Variants in PFKFB2 observed in about 807,000 individuals in gnomAD.
PFKFB2 encodes the protein 6-phosphofructo-2-kinase/fructose-2,6-bisphosphatase 2.
A neutral mutation model predicts 68.0 loss-of-function variants in PFKFB2; 53 were observed. The observed-to-expected ratio is 0.78, with a 90% CI of 0.63 to 0.98. PFKFB2 has a LOEUF of 0.98. Among genes scored for constraint, PFKFB2 ranks in the 50% least tolerant of loss-of-function variants. The probability of loss-of-function intolerance (pLI) is 0.00; values close to 1 mark genes in which losing one functional copy is unlikely to be tolerated. For missense variants in PFKFB2, 451 were observed against 642.0 expected (o/e 0.70, Z 3.22); for synonymous variants, 222 against 227.6 (o/e 0.98, Z 0.22).
rs1683511404 is a variant in PFKFB2 at position 207,072,943 on chromosome 1, A to G, written c.*572A>G. On this transcript the variant is annotated 3_prime_UTR_variant, in exon 15 of 15. Coordinates refer to ENST00000367080, the MANE Select transcript of PFKFB2 (RefSeq NM_006212.2). Reference sequence around the variant, plus strand: ...TAGGAAGGAAGGGGTGATTGACAAGAGACAAGTCTGGCCCAGTTAATGCTT... The same window carrying G: ...TAGGAAGGAAGGGGTGATTGACAAGGGACAAGTCTGGCCCAGTTAATGCTT... 13 of 985,732 alleles carry G rather than the reference A, an allele frequency of 1.3e-5. No homozygotes were observed. Among genetic ancestry groups the G allele is most frequent in the Non-Finnish European group, 1.6e-5 (13 of 830,202 alleles). 61.1% of individuals were successfully genotyped at this position (985,732 alleles called of 1,614,324 possible). A position where few individuals can be genotyped will look rare whatever the true frequency, so the allele number is the denominator to read the frequency against.
At chr1:207,054,515 C>T (rs1402149798) in intron 1 of PFKFB2, among the ~76,000 whole-genome samples, 186 bp from the exon 2 acceptor site, 1 of 152,206 alleles carries the variant, frequency 6.6e-6, no homozygotes, top group African/African-American at 2.4e-5. Flanking sequence ...TCTAGTGCAA[C>T]TCTTTTTATA....
In PFKFB2 at chr1:207,070,916, C is replaced by T. The variant is rs1254215930; in HGVS notation, c.1223-272C>T. The stretch of plus-strand genomic sequence containing the variant: ...TCAGACCTTATTGGCCTTTGCTGTA[C>T]CCAGGTGACCCCCTTCCATTGGGCT... On this transcript the variant is annotated intron_variant, in intron 12 of 14. Transcript: ENST00000367080. The surrounding 1 kb of genome is among the most constrained non-coding windows in gnomAD (Gnocchi z 4.2). 6.6e-6 allele frequency among the ~76,000 whole-genome samples: 1 copy of T among 152,074 alleles called. No homozygotes were observed. The highest frequency in any genetic ancestry group is 1.5e-5 in the Non-Finnish European group (1 of 68,008).
chr1:207,057,927 A>T (rs1432780725), intron 2 of PFKFB2, among the ~76,000 whole-genome samples: 1 of 152,218 alleles, frequency 6.6e-6, no homozygotes. Context: ...TGCTGCAGTG[A>T]CCATTCTTAC....
intron 3 of PFKFB2, among the ~76,000 whole-genome samples, 189 bp downstream of exon 3, chr1:207,062,267 A>G (rs550893692): frequency 2.0e-5 from 3 of 152,244 alleles, no homozygotes; most frequent in South Asian, 4.1e-4. Flanking sequence ...GGATTGGCCT[A>G]GTTTTGAGGG....
intron 1 of PFKFB2, among the ~76,000 whole-genome samples, chr1:207,037,372 C>T (rs764366185): frequency 2.0e-5 from 3 of 152,194 alleles, no homozygotes; most frequent in Non-Finnish European, 4.4e-5. Context: ...TCTTCCCTTA[C>T]CTGGCTCCTT....
chr1:207,039,832 A>C (rs560045433), intron 1 of PFKFB2, among the ~76,000 whole-genome samples: 2 of 152,314 alleles, frequency 1.3e-5, no homozygotes, highest in African/African-American at 4.8e-5. Context: ...GATCAAGGTG[A>C]GGATAGGTCT....
upstream of PFKFB2, chr1:207,050,760 C>T (rs372148879): frequency 4.3e-5 from 70 of 1,613,272 alleles, no homozygotes; most frequent in Non-Finnish European, 5.5e-5. Context: ...GGGTATCCGA[C>T]GAGGATTCGC....
At chr1:207,078,055 A>G (rs1288527733), downstream of PFKFB2, among the ~76,000 whole-genome samples, 3 of 152,240 alleles carry the variant, frequency 2.0e-5, no homozygotes, top group Non-Finnish European at 2.9e-5. Flanking sequence ...TCCTGTTGGC[A>G]CTTATGCAAG....
At position 207,062,065 on chromosome 1, in the gene PFKFB2, A is replaced by G. The variant is rs762277061; in HGVS notation, c.198A>G (p.Gly66=). 3.1e-6 allele frequency: 5 copies of G among 1,613,978 alleles called. No individual in the cohort carries two copies. In the South Asian group the frequency reaches 5.5e-5, roughly 18 times the overall value. ...KKLTRYLNWI[G]VPTKVFNLGV... is the part of the protein sequence containing the mutation. ...TAACACGCTACCTCAACTGGATTGG[A>G]GTCCCCACCAAAGGTAAGTGTGGCT... is the stretch of plus-strand genomic sequence containing the variant. The change falls in exon 3 of 15, where the codon GGA becomes GGG. Residue 66 remains glycine (G), a synonymous_variant. Coordinates refer to ENST00000367080, the MANE Select transcript of PFKFB2 (RefSeq NM_006212.2).
intron 2 of PFKFB2, among the ~76,000 whole-genome samples, chr1:207,055,754 C>G (rs1682901482): frequency 6.6e-6 from 1 of 152,134 alleles, no homozygotes; most frequent in Non-Finnish European, 1.5e-5. Flanking sequence ...AAGCTTTTCC[C>G]AGAGCCTCGA....
chr1:207,062,226 A>G, intron 3 of PFKFB2, 148 bp downstream of exon 3: 1 of 1,131,802 alleles, frequency 8.8e-7, no homozygotes, highest in Non-Finnish European at 1.3e-6. Context: ...GTTATTCTCT[A>G]TTCCCAGACT....
chr1:207,064,623 C>A (rs976490531), intron 7 of PFKFB2, among the ~76,000 whole-genome samples: 1 of 152,156 alleles, frequency 6.6e-6, no homozygotes, highest in Non-Finnish European at 1.5e-5. Flanking sequence ...CAGGTGCTCT[C>A]CCAGCCGTAG....
intron 1 of PFKFB2, among the ~76,000 whole-genome samples, chr1:207,036,319 G>A (rs1682377236): frequency 6.6e-6 from 1 of 152,218 alleles, no homozygotes; most frequent in African/African-American, 2.4e-5. Context: ...GACTCCACAT[G>A]TCAGCATTTC....
intron 2 of PFKFB2, among the ~76,000 whole-genome samples, chr1:207,042,549 CAAAAAAAAA>C (rs57077682): frequency 0.085 from 3,784 of 44,382 alleles, 34 homozygotes; most frequent in Middle Eastern, 0.16. Context: ...CTCTGTCTCA[CAAAAAAAAA>C]AAAAAAAAAA....
chr1:207,075,662 A>G lies in PFKFB2; in HGVS notation c.*3291A>G, dbSNP rs750006279. ...GAATAAGCTGGTTGCTGTGGCTTATACCTGTAGTCCCAGATACTTGGGAGG... is the reference window on the plus strand; with the variant it reads ...GAATAAGCTGGTTGCTGTGGCTTATGCCTGTAGTCCCAGATACTTGGGAGG... On this transcript the variant is annotated 3_prime_UTR_variant, in exon 15 of 15. Transcript: ENST00000367080. 14 of 977,524 alleles carry G rather than the reference A, an allele frequency of 1.4e-5. No homozygotes were observed. The highest frequency in any genetic ancestry group is 9.5e-5 in the South Asian group (2 of 21,114). 60.6% of individuals were successfully genotyped at this position (977,524 alleles called of 1,614,324 possible). A position where few individuals can be genotyped will look rare whatever the true frequency, so the allele number is the denominator to read the frequency against.
upstream of PFKFB2, among the ~76,000 whole-genome samples, chr1:207,052,613 T>A (rs759989848): frequency 5.9e-5 from 9 of 152,040 alleles, no homozygotes; most frequent in Non-Finnish European, 1.0e-4. Flanking sequence ...GGTCGTGCCA[T>A]TGCACTCCAG....
Position 207,072,222 on chromosome 1 carries a change from C to T in PFKFB2, c.1369C>T (p.Gln457Ter). 6.2e-7 allele frequency: 1 copy of T among 1,613,756 alleles called. No homozygotes were observed. The change falls in exon 15 of 15, where the codon CAA becomes TAA. Residue 457 changes from glutamine to a stop codon, truncating the protein, a stop_gained. Coordinates refer to ENST00000367080, the MANE Select transcript of PFKFB2 (RefSeq NM_006212.2). LOFTEE classifies it high-confidence loss of function. ...DKPTNNFPKN[Q>*]TPVRMRRNSF... ...CAATCAGAACAACTTCCCCAAGAACCAAACCCCTGTAAGGATGAGAAGGAA... is the reference window on the plus strand; with the variant it reads ...CAATCAGAACAACTTCCCCAAGAACTAAACCCCTGTAAGGATGAGAAGGAA...
intron 13 of PFKFB2, 96 bp downstream of exon 13, chr1:207,071,346 A>G (rs1394294786): frequency 8.6e-7 from 1 of 1,164,258 alleles, no homozygotes; most frequent in Non-Finnish European, 1.3e-6. Context: ...TTATCCCTAT[A>G]TACCAGGGAA....
intron 9 of PFKFB2, 43 bp from the exon 10 acceptor site, chr1:207,068,120 G>T: frequency 6.5e-7 from 1 of 1,543,446 alleles, no homozygotes; most frequent in Non-Finnish European, 8.8e-7. Flanking sequence ...GTGTGTGTCT[G>T]TGTGTTTTCT....
Sources: allele counts gnomAD v4.1 joint callset (sites outside exome capture counted in the v4.1 genomes callset), GRCh38; gene constraint gnomAD v4.1.1; non-coding constraint Gnocchi (gnomAD v3.1); transcripts MANE v1.5; gene names NCBI Gene and HGNC (gene_info 2026-07-23, HGNC 2026-07-21).